The following SASH1 variants were observed in gnomAD, a reference collection of about 807,000 sequenced individuals.
The protein encoded by SASH1 is SAM and SH3 domain containing 1.
Under a neutral mutation model 125.2 loss-of-function variants are expected in SASH1, and 44 were observed. The observed-to-expected ratio is 0.35, with a 90% CI of 0.28 to 0.45. The LOEUF (loss-of-function observed/expected upper bound fraction) is 0.45. SASH1 is among the 20% of genes least tolerant of loss of function. The pLI, the probability that SASH1 is intolerant of heterozygous loss-of-function variation, is 1.00. For synonymous variants in SASH1, 639 were observed against 649.1 expected, an observed-to-expected ratio of 0.98 and a Z score of 0.24; for missense variants, 1,426 against 1,614.5, an observed-to-expected ratio of 0.88 and a Z score of 2.00.
chr6:148,307,534 T>C (rs1190713879), intron 1 of SASH1, among the ~76,000 whole-genome samples: 2 of 152,148 alleles, frequency 1.3e-5, no homozygotes. Flanking sequence ...AAGATATTTA[T>C]GAAACAGGTT....
chr6:148,242,458 A>G, the SASH1 span, among the ~76,000 whole-genome samples: 1 of 152,156 alleles, frequency 6.6e-6, no homozygotes, highest in African/African-American at 2.4e-5. Context: ...GTGATTTGAG[A>G]ATCTCTCCCT....
At position 148,300,927 on chromosome 6, in the gene SASH1, A is replaced by T. The variant is rs1779924403; in HGVS notation, n.74+28550A>T. ...AGGACTAGTAAAACCCTTTTTTATTAGTAGTCATTGCAGTTCTATATCTTT... is the reference window on the plus strand; with the variant it reads ...AGGACTAGTAAAACCCTTTTTTATTTGTAGTCATTGCAGTTCTATATCTTT... On this transcript the variant is annotated intron_variant and non_coding_transcript_variant, in intron 1 of 3. Transcript: ENST00000367469. Among the ~76,000 whole-genome samples the T allele has an allele frequency of 2.0e-5, 3 of 152,116 alleles. No individual in the cohort carries two copies. The South Asian group carries it at 6.2e-4, about 31-fold the overall frequency.
At chr6:148,312,081 G>T (rs1174971638) in intron 1 of SASH1, among the ~76,000 whole-genome samples, 2 of 152,130 alleles carry the variant, frequency 1.3e-5, no homozygotes, top group Non-Finnish European at 2.9e-5. Flanking sequence ...ATGACATTTT[G>T]GAAAAAGTCC....
intron 8 of SASH1, among the ~76,000 whole-genome samples, chr6:148,496,220 CT>C (rs1200688641): frequency 2.6e-5 from 4 of 152,042 alleles, no homozygotes; most frequent in Non-Finnish European, 5.9e-5. Context: ...ATGGTGTTTA[CT>C]TTTTTTTCCA....
intron 1 of SASH1, among the ~76,000 whole-genome samples, chr6:148,334,844 G>A (rs1781103000): frequency 6.7e-6 from 1 of 149,336 alleles, no homozygotes; most frequent in Non-Finnish European, 1.5e-5. Context: ...TATGGTAGCG[G>A]GAACCTGTAA....
chr6:148,371,570 C>T (rs1033385670), intron 1 of SASH1, among the ~76,000 whole-genome samples: 1 of 152,084 alleles, frequency 6.6e-6, no homozygotes, highest in African/African-American at 2.4e-5. Flanking sequence ...GCTCAGCTGC[C>T]TTGTTGGCTC....
chr6:148,364,031 C>T (rs999669419), intron 1 of SASH1, among the ~76,000 whole-genome samples: 2 of 151,950 alleles, frequency 1.3e-5, no homozygotes, highest in Non-Finnish European at 2.9e-5. Flanking sequence ...GAGAAATGTC[C>T]TCACCAAGTA....
At chr6:148,382,921 G>A (rs564416594) in intron 1 of SASH1, among the ~76,000 whole-genome samples, 6 of 152,158 alleles carry the variant, frequency 3.9e-5, no homozygotes, top group South Asian at 2.1e-4. Flanking sequence ...GACCTAATAC[G>A]TCCCTCTGGC....
intron 1 of SASH1, among the ~76,000 whole-genome samples, chr6:148,359,625 GT>G (rs1782110239): frequency 6.6e-6 from 1 of 152,166 alleles, no homozygotes; most frequent in African/African-American, 2.4e-5. Flanking sequence ...CAGTATCAGA[GT>G]TTAAGAGGAT....
At chr6:148,420,013 A>G (rs1035493255) in intron 2 of SASH1, among the ~76,000 whole-genome samples, 3 of 152,216 alleles carry the variant, frequency 2.0e-5, no homozygotes, top group African/African-American at 7.2e-5. Context: ...TGATGTTTCA[A>G]AAATCCTTAT....
At chr6:148,231,308 G>A in the SASH1 span, among the ~76,000 whole-genome samples, 2 of 152,130 alleles carry the variant, frequency 1.3e-5, no homozygotes. Flanking sequence ...GTTTATTTCT[G>A]GACCCTCAAC....
chr6:148,475,128 G>C (rs1370290217), intron 7 of SASH1, among the ~76,000 whole-genome samples: 3 of 152,144 alleles, frequency 2.0e-5, no homozygotes, highest in African/African-American at 7.2e-5. Flanking sequence ...CAAACCCATT[G>C]ATTCTTGAAT....
At chr6:148,361,712 G>A (rs1782214825) in intron 1 of SASH1, among the ~76,000 whole-genome samples, 1 of 151,894 alleles carries the variant, frequency 6.6e-6, no homozygotes, top group Non-Finnish European at 1.5e-5. Context: ...AGATAGATAA[G>A]CAGAGAGCCT....
At chr6:148,275,290 C>T (rs1779155288) in intron 1 of SASH1, among the ~76,000 whole-genome samples, 1 of 152,198 alleles carries the variant, frequency 6.6e-6, no homozygotes, top group Admixed American at 6.5e-5. Flanking sequence ...CCCTGGACAT[C>T]ATTTGTTTCT....
chr6:148,336,225 G>A lies in SASH1; in HGVS notation n.75-53909G>A, dbSNP rs774683830. On this transcript the variant is annotated intron_variant and non_coding_transcript_variant, in intron 1 of 3. Coordinates refer to the SASH1 transcript ENST00000367469. ...TTGAGACAGAGTCTCACCCAGGCTG[G>A]AGTGCAGTGGCAAGATCTCGGCTCA... is the stretch of plus-strand genomic sequence containing the variant. Among the ~76,000 whole-genome samples the A allele has an allele frequency of 3.5e-5, 5 of 141,222 alleles. No homozygotes were observed. In the South Asian group the frequency reaches 6.8e-4, roughly 19 times the overall value. 92.6% of individuals were successfully genotyped at this position (141,222 alleles called of 152,430 possible). A position where few individuals can be genotyped will look rare whatever the true frequency, so the allele number is the denominator to read the frequency against.
chr6:148,197,533 A>C, the SASH1 span, among the ~76,000 whole-genome samples: 1 of 152,170 alleles, frequency 6.6e-6, no homozygotes, highest in Admixed American at 6.5e-5. Flanking sequence ...GTTCAGGCCA[A>C]AATTTCTCTT....
At chr6:148,405,533 C>G (rs1784341433) in intron 2 of SASH1, among the ~76,000 whole-genome samples, 1 of 152,112 alleles carries the variant, frequency 6.6e-6, no homozygotes, top group African/African-American at 2.4e-5. Context: ...TCCATCTGTT[C>G]CTCTGCACAG....
intron 1 of SASH1, among the ~76,000 whole-genome samples, chr6:148,281,897 G>A (rs534673531): frequency 4.7e-5 from 7 of 149,956 alleles, no homozygotes; most frequent in African/African-American, 1.5e-4. Flanking sequence ...ACTCCAGCCT[G>A]GGCGACAGAG....
chr6:148,327,574 C>G lies in SASH1; in HGVS notation n.74+55197C>G, dbSNP rs1032069986. 2.7e-5 allele frequency among the ~76,000 whole-genome samples: 4 copies of G among 150,848 alleles called. No homozygotes were observed. The East Asian group carries it at 8.0e-4, about 30-fold the overall frequency. On this transcript the variant is annotated intron_variant and non_coding_transcript_variant, in intron 1 of 3. Transcript: ENST00000367469. ...CTGGGATTACAGGCGTGAGCCACTGCGCCCGGCCAGAAATTTCTATAATGT... is the reference window on the plus strand; with the variant it reads ...CTGGGATTACAGGCGTGAGCCACTGGGCCCGGCCAGAAATTTCTATAATGT...
Sources: allele counts gnomAD v4.1 joint callset (sites outside exome capture counted in the v4.1 genomes callset), GRCh38; gene constraint gnomAD v4.1.1; transcripts MANE v1.5; gene names NCBI Gene and HGNC (gene_info 2026-07-23, HGNC 2026-07-21).